The following KLF12 variants were observed in gnomAD, a reference collection of about 807,000 sequenced individuals.
KLF12 encodes the protein KLF transcription factor 12.
Under a neutral mutation model 37.8 loss-of-function variants are expected in KLF12, and 9 were observed. The ratio of observed to expected loss-of-function variants is 0.24; its 90% CI spans 0.14 to 0.42. The LOEUF is 0.42. KLF12 is among the 10% of genes least tolerant of loss of function. The pLI is 1.00. For synonymous variants in KLF12, 208 were observed against 202.1 expected, an observed-to-expected ratio of 1.03 and a Z score of -0.25; for missense variants, 411 against 516.0, an observed-to-expected ratio of 0.80 and a Z score of 1.97.
chr13:74,287,219 C>G, the KLF12 span, among the ~76,000 whole-genome samples: 2 of 152,030 alleles, frequency 1.3e-5, no homozygotes, highest in Admixed American at 1.3e-4. Context: ...GCTTGCAGCC[C>G]GTCTGCTCAT....
chr13:73,859,079 C>T (rs7139761), intron 3 of KLF12, among the ~76,000 whole-genome samples: 63,049 of 151,972 alleles, frequency 0.41, 13,542 homozygotes, highest in East Asian at 0.68. Flanking sequence ...GGGTTCACTT[C>T]GCTGGAGTAT....
chr13:74,179,271 G>A, the KLF12 span, among the ~76,000 whole-genome samples: 1 of 152,234 alleles, frequency 6.6e-6, no homozygotes, highest in Non-Finnish European at 1.5e-5. Context: ...TATGGAGGTT[G>A]AGAGATATGC....
At chr13:73,721,062 A>G (rs1876205242) in intron 6 of KLF12, among the ~76,000 whole-genome samples, 1 of 152,216 alleles carries the variant, frequency 6.6e-6, no homozygotes, top group African/African-American at 2.4e-5. Flanking sequence ...TATTTACAGA[A>G]TGCTTAGTGG....
chr13:74,133,637 A>G (rs1878392774), intron 1 of KLF12, among the ~76,000 whole-genome samples: 1 of 151,498 alleles, frequency 6.6e-6, no homozygotes, highest in South Asian at 2.1e-4. Flanking sequence ...CAGAAGGAAA[A>G]TAAAACACGT....
intron 6 of KLF12, among the ~76,000 whole-genome samples, chr13:73,750,467 C>T (rs1878665357): frequency 6.6e-6 from 1 of 152,068 alleles, no homozygotes; most frequent in Non-Finnish European, 1.5e-5. Flanking sequence ...TACTGGAGGG[C>T]CTCAGGCTTG....
intron 5 of KLF12, among the ~76,000 whole-genome samples, chr13:73,785,754 T>C (rs1881300007): frequency 6.6e-6 from 1 of 152,190 alleles, no homozygotes; most frequent in South Asian, 2.1e-4. Context: ...TATTTTTGAC[T>C]GCTATTGCAA....
Position 73,846,081 on chromosome 13 carries a change from G to A in KLF12, c.416C>T (p.Ser139Leu), listed in dbSNP as rs753427035. 36 of 1,614,058 alleles carry A rather than the reference G, an allele frequency of 2.2e-5. No individual in the cohort carries two copies. The highest frequency in any genetic ancestry group is 8.3e-5 in the Admixed American group (5 of 59,990). ...GGGCCCTGGAGTTAATACTGTTGAC[G>A]AAGATGACGCTGAAGATACTGATGT... The change falls in exon 4 of 8, where the codon TCG becomes TTG. Residue 139 changes from serine (S) to leucine (L), a missense_variant. This residue lies in a region of KLF12 where 351 missense variants were observed against 397.8 expected (regional missense o/e 0.88). Coordinates refer to ENST00000377669, the MANE Select transcript of KLF12 (RefSeq NM_007249.5).
the KLF12 span, among the ~76,000 whole-genome samples, chr13:74,206,910 C>T: frequency 6.6e-6 from 1 of 152,180 alleles, no homozygotes; most frequent in African/African-American, 2.4e-5. Context: ...CACTTTTGTT[C>T]TGCTTTACAA....
chr13:73,820,953 A>G (rs569456066), intron 4 of KLF12, among the ~76,000 whole-genome samples: 1 of 152,300 alleles, frequency 6.6e-6, no homozygotes, highest in South Asian at 2.1e-4. Flanking sequence ...TGTCTCTGTA[A>G]TTAAAGTTTT....
chr13:73,735,532 G>A (rs188440092), intron 6 of KLF12, among the ~76,000 whole-genome samples: 22 of 152,206 alleles, frequency 1.4e-4, no homozygotes, highest in Admixed American at 7.2e-4. Flanking sequence ...TGGGCTGAGC[G>A]AGGCACACAG....
chr13:74,233,441 T>G, the KLF12 span, among the ~76,000 whole-genome samples: 6 of 152,126 alleles, frequency 3.9e-5, no homozygotes, highest in Non-Finnish European at 8.8e-5. Context: ...TCGGGACAAG[T>G]ATTTCACGAG....
At chr13:73,933,856 T>C (rs928434820) in intron 3 of KLF12, among the ~76,000 whole-genome samples, 1 of 152,108 alleles carries the variant, frequency 6.6e-6, no homozygotes, top group Non-Finnish European at 1.5e-5. Flanking sequence ...GTAAAGAACA[T>C]ATAACATAAA....
the KLF12 span, among the ~76,000 whole-genome samples, chr13:74,176,085 G>A: frequency 6.6e-6 from 1 of 152,052 alleles, no homozygotes; most frequent in African/African-American, 2.4e-5. Context: ...ACAACTTCTT[G>A]AAATTGATTT....
At chr13:73,837,884 T>C (rs1884522351) in intron 4 of KLF12, among the ~76,000 whole-genome samples, 1 of 152,170 alleles carries the variant, frequency 6.6e-6, no homozygotes, top group African/African-American at 2.4e-5. Context: ...AGGTCAGCTA[T>C]CTAGGACTAT....
At chr13:74,055,000 G>GAAGA (rs1873165017) in intron 1 of KLF12, among the ~76,000 whole-genome samples, 1 of 152,172 alleles carries the variant, frequency 6.6e-6, no homozygotes, top group African/African-American at 2.4e-5. Flanking sequence ...ACATCGCGAT[G>GAAGA]AAGAAGGTAA....
intron 3 of KLF12, among the ~76,000 whole-genome samples, chr13:73,913,570 C>G (rs1453889887): frequency 6.6e-6 from 1 of 152,214 alleles, no homozygotes; most frequent in Non-Finnish European, 1.5e-5. Flanking sequence ...TCCTCTGTTA[C>G]TCACAGAGTA....
intron 3 of KLF12, among the ~76,000 whole-genome samples, chr13:73,890,711 A>C (rs2148747): frequency 0.71 from 107,812 of 151,550 alleles, 38,707 homozygotes; most frequent in East Asian, 0.9. Flanking sequence ...TGAAAGAGAT[A>C]AGTTTAAAAA....
chr13:74,302,414 A>G, the KLF12 span, among the ~76,000 whole-genome samples: 1 of 152,156 alleles, frequency 6.6e-6, no homozygotes, highest in African/African-American at 2.4e-5. Flanking sequence ...TGTCTCCTCC[A>G]TATGTAGATA....
At chr13:74,185,204 A>T in the KLF12 span, among the ~76,000 whole-genome samples, 2 of 152,222 alleles carry the variant, frequency 1.3e-5, no homozygotes, top group African/African-American at 4.8e-5. Context: ...AAACTATAAC[A>T]CAATAAATAT....
Sources: allele counts gnomAD v4.1 joint callset (sites outside exome capture counted in the v4.1 genomes callset), GRCh38; gene constraint gnomAD v4.1.1; regional missense constraint gnomAD v4.1.1; transcripts MANE v1.5; gene names NCBI Gene and HGNC (gene_info 2026-07-23, HGNC 2026-07-21).